Variants in TTLL5 observed in about 807,000 individuals in gnomAD.
The protein encoded by TTLL5 is tubulin tyrosine ligase like 5, also known as tubulin polyglutamylase TTLL5.
A neutral mutation model predicts 168.4 loss-of-function variants in TTLL5; 132 were observed. The ratio of observed to expected loss-of-function variants is 0.78; its 90% confidence interval spans 0.68 to 0.91. The LOEUF is 0.91. Among genes scored for constraint, TTLL5 ranks in the 40% least tolerant of loss-of-function variants. The pLI is 0.00. For missense variants in TTLL5, 1,545 were observed against 1,581.5 expected (o/e 0.98, Z 0.39); for synonymous variants, 546 against 558.6 (o/e 0.98, Z 0.32).
intron 16 of TTLL5, 115 bp from the exon 17 acceptor site, chr14:75,745,375 T>A: frequency 8.9e-6 from 11 of 1,236,404 alleles, no homozygotes; most frequent in Non-Finnish European, 1.2e-5. Flanking sequence ...TGGAATTAAT[T>A]TCTCCCTTCA....
chr14:75,942,585 C>T (rs2034644933), intron 31 of TTLL5, among the ~76,000 whole-genome samples: 1 of 152,200 alleles, frequency 6.6e-6, no homozygotes, highest in Non-Finnish European at 1.5e-5. Context: ...TCCACCATTC[C>T]TCTCAGGTAA....
At chr14:75,718,800 C>T (rs1887639880) in intron 10 of TTLL5, among the ~76,000 whole-genome samples, 1 of 151,952 alleles carries the variant, frequency 6.6e-6, no homozygotes, top group Admixed American at 6.6e-5. Context: ...GATATTTTTG[C>T]CAGAAAGTGG....
rs1424280622 is a variant in TTLL5 at position 75,714,272 on chromosome 14, T to C, written c.741-3589T>C. On this transcript the variant is annotated intron_variant, in intron 9 of 31. Transcript: ENST00000298832. ...TTTAGTGGTGTTTGACCATTTGCTT[T>C]AGGTCATCTGCTAGATTCCTCCACT... 1.3e-5 allele frequency among the ~76,000 whole-genome samples: 2 copies of C among 152,252 alleles called. 1 individual carries two copies. The highest frequency in any genetic ancestry group is 3.8e-4 in the East Asian group (2 of 5,200).
intron 30 of TTLL5, among the ~76,000 whole-genome samples, chr14:75,884,603 G>A (rs1199853369): frequency 2.0e-5 from 3 of 152,194 alleles, no homozygotes; most frequent in Non-Finnish European, 2.9e-5. Flanking sequence ...CAGAATTTAA[G>A]TAATATAATC....
At chr14:75,736,971 T>G (rs1043133112) in intron 15 of TTLL5, among the ~76,000 whole-genome samples, 1 of 152,234 alleles carries the variant, frequency 6.6e-6, no homozygotes, top group African/African-American at 2.4e-5. Flanking sequence ...GCAAATTGTT[T>G]CCTGCAGTAT....
chr14:75,860,510 A>G (rs759424144), intron 28 of TTLL5, among the ~76,000 whole-genome samples: 10 of 152,266 alleles, frequency 6.6e-5, no homozygotes, highest in Non-Finnish European at 1.2e-4. Flanking sequence ...CCAGCAAAGC[A>G]GGAACGAAAG....
chr14:75,937,705 T>G (rs2034476681), intron 31 of TTLL5, among the ~76,000 whole-genome samples: 1 of 152,240 alleles, frequency 6.6e-6, no homozygotes, highest in Non-Finnish European at 1.5e-5. Flanking sequence ...TTCCCTTTTT[T>G]AAGGTTGATT....
intron 21 of TTLL5, among the ~76,000 whole-genome samples, chr14:75,775,029 T>C (rs1595016744): frequency 7.1e-6 from 1 of 141,182 alleles, no homozygotes; most frequent in Admixed American, 6.9e-5. Context: ...GTTTCTAACT[T>C]TTTTTTTTTT....
chr14:75,854,949 GGCA>G, intron 28 of TTLL5, among the ~76,000 whole-genome samples: 1 of 151,980 alleles, frequency 6.6e-6, no homozygotes, highest in East Asian at 1.9e-4. Flanking sequence ...TTTCCTCAAA[GGCA>G]TGTCTTGCTT....
In TTLL5 at chr14:75,792,411, A is replaced by T. The variant is rs139740103; in HGVS notation, c.2987-505A>T. The stretch of plus-strand genomic sequence containing the variant: ...AAAACATGTTTTGACTAAAAATATA[A>T]AAAAAAAAAGAAAATATAAGATTAT... On this transcript the variant is annotated intron_variant, in intron 26 of 31. Transcript: ENST00000298832. Among the ~76,000 whole-genome samples the T allele has an allele frequency of 8.0e-3, 1,060 of 132,208 alleles. 15 individuals are homozygous for T. The East Asian group carries it at 0.1, about 13-fold the overall frequency. 86.7% of individuals were successfully genotyped at this position (132,208 alleles called of 152,430 possible).
At chr14:75,706,952 C>A in intron 7 of TTLL5, 66 bp from the exon 8 acceptor site, 1 of 1,353,280 alleles carries the variant, frequency 7.4e-7, no homozygotes, top group Non-Finnish European at 1.1e-6. Flanking sequence ...AAGAACTTTG[C>A]TCCCTTATTG....
At chr14:75,929,394 G>A (rs996443285) in intron 31 of TTLL5, among the ~76,000 whole-genome samples, 2 of 148,318 alleles carry the variant, frequency 1.3e-5, no homozygotes, top group African/African-American at 5.0e-5. Context: ...ACTTCTTAGA[G>A]TTGTAATATA....
chr14:75,929,127 T>C (rs961075194), intron 31 of TTLL5, among the ~76,000 whole-genome samples: 4 of 152,014 alleles, frequency 2.6e-5, no homozygotes, highest in African/African-American at 9.7e-5. Context: ...GGATCAGTGG[T>C]ATCAATTTTG....
At chr14:75,909,452 C>G (rs112006944) in intron 31 of TTLL5, among the ~76,000 whole-genome samples, 1 of 151,678 alleles carries the variant, frequency 6.6e-6, no homozygotes, top group Non-Finnish European at 1.5e-5. Flanking sequence ...CTTTTCCCCC[C>G]ACTGCTGTCT....
chr14:75,735,664 A>G (rs1343243017), intron 15 of TTLL5, among the ~76,000 whole-genome samples: 3 of 152,236 alleles, frequency 2.0e-5, no homozygotes, highest in Non-Finnish European at 4.4e-5. Context: ...AGCTTTGTAA[A>G]GAAGATGCTT....
At chr14:75,947,390 CAAGAAATAAAGAGGGTCA>C (rs2034807960) in intron 31 of TTLL5, among the ~76,000 whole-genome samples, 1 of 152,020 alleles carries the variant, frequency 6.6e-6, no homozygotes, top group African/African-American at 2.4e-5. Flanking sequence ...AAAAGCATAA[CAAGAAATAAAGAGGGTCA>C]CTACATTATG....
chr14:75,925,284 C>T (rs1328087005), intron 31 of TTLL5, among the ~76,000 whole-genome samples: 1 of 151,702 alleles, frequency 6.6e-6, no homozygotes, highest in Non-Finnish European at 1.5e-5. Context: ...GGAGGGGCTC[C>T]TCACTTCTCA....
At chr14:75,777,866 A>G (rs746061685) in intron 23 of TTLL5, among the ~76,000 whole-genome samples, 3 of 152,138 alleles carry the variant, frequency 2.0e-5, no homozygotes, top group Admixed American at 6.6e-5. Flanking sequence ...GTAGGAGTCC[A>G]TAATTGTATG....
chr14:75,817,154 A>G (rs1021171922), intron 27 of TTLL5, among the ~76,000 whole-genome samples: 1 of 150,308 alleles, frequency 6.7e-6, no homozygotes, highest in African/African-American at 2.5e-5. Context: ...TAATTTTTGT[A>G]TTTTTAGTAG....
Sources: gnomAD v4.1 joint callset for allele counts (sites outside exome capture counted in the v4.1 genomes callset) on GRCh38, gnomAD v4.1.1 for gene constraint, MANE v1.5 for transcripts, NCBI Gene and HGNC (gene_info 2026-07-23, HGNC 2026-07-21) for gene names.